The following MTF2 variants were observed in gnomAD, a reference collection of about 807,000 sequenced individuals.
MTF2 encodes the protein metal response element binding transcription factor 2, also known as metal-response element-binding transcription factor 2.
A neutral mutation model predicts 79.5 loss-of-function variants in MTF2; 11 were observed. The ratio of observed to expected loss-of-function variants is 0.14; its 90% confidence interval spans 0.09 to 0.23. MTF2 has a LOEUF of 0.23. Among genes scored for constraint, MTF2 ranks in the 10% least tolerant of loss-of-function variants. MTF2 has a pLI of 1.00. For synonymous variants in MTF2, 208 were observed against 232.8 expected, an observed-to-expected ratio of 0.89 and a Z score of 0.97; for missense variants, 486 against 711.2, an observed-to-expected ratio of 0.68 and a Z score of 3.60.
chr1:93,088,378 G>A (rs1654934234), intron 1 of MTF2, among the ~76,000 whole-genome samples: 1 of 152,066 alleles, frequency 6.6e-6, no homozygotes, highest in Admixed American at 6.6e-5. Flanking sequence ...GTATATGTGA[G>A]ATAATATAAT....
chr1:93,127,557 A>C (rs1571250769), intron 10 of MTF2, among the ~76,000 whole-genome samples: 2 of 152,326 alleles, frequency 1.3e-5, no homozygotes, highest in African/African-American at 4.8e-5. Flanking sequence ...TGTTCCATTG[A>C]AAAAGCATAT....
chr1:93,120,576 C>T lies in MTF2; in HGVS notation c.825C>T (p.Tyr275=). The change falls in exon 9 of 15, where the codon TAC becomes TAT. Residue 275 remains tyrosine, a synonymous_variant. Transcript: ENST00000370298. ...TAGATATAGCACACCTATGCCTTTA[C>T]AACCTAAGTGTTATTCATAAGAAGA... ...QWVDIAHLCL[Y]NLSVIHKKKY... is the part of the protein sequence containing the mutation. 1 of 1,605,000 alleles carries T rather than the reference C, an allele frequency of 6.2e-7. No homozygotes were observed. Among genetic ancestry groups the T allele is most frequent in the Non-Finnish European group, 8.5e-7 (1 of 1,175,674 alleles).
chr1:93,137,132 A>AAG lies in MTF2; in HGVS notation c.*105_*106insAG. 1 of 956,462 alleles carries AAG rather than the reference A, an allele frequency of 1.0e-6. No homozygotes were observed. The highest frequency in any genetic ancestry group is 1.5e-6 in the Non-Finnish European group (1 of 655,620). The allele number at this position is 956,462 out of a possible 1,614,324, so 59.2% of individuals were successfully genotyped here. A position where few individuals can be genotyped will look rare whatever the true frequency, so the allele number is the denominator to read the frequency against. ...ACTATCTTTCTTAAAAAAAAAAAAA[A>AAG]GTCAAAAAAATTCAAAAAAGGGGAT... On this transcript the variant is annotated 3_prime_UTR_variant, in exon 15 of 15. Transcript: ENST00000370298.
intron 1 of MTF2, among the ~76,000 whole-genome samples, chr1:93,092,724 T>A (rs1052305431): frequency 1.4e-4 from 21 of 152,168 alleles, no homozygotes; most frequent in East Asian, 5.8e-4. Flanking sequence ...TATAAACATG[T>A]TAGATGAGAA....
intron 1 of MTF2, among the ~76,000 whole-genome samples, chr1:93,102,993 A>G (rs1476037144): frequency 6.6e-6 from 1 of 151,784 alleles, no homozygotes; most frequent in Non-Finnish European, 1.5e-5. Flanking sequence ...TTAGCCGGGC[A>G]TGGTGGTGGG....
chr1:93,081,244 A>G (rs1019079552), intron 1 of MTF2, among the ~76,000 whole-genome samples: 4 of 152,200 alleles, frequency 2.6e-5, no homozygotes, highest in Admixed American at 6.5e-5. Flanking sequence ...CGTTGCCTCA[A>G]AGCTCTGTTA....
chr1:93,105,028 C>T (rs1007202345), intron 1 of MTF2, among the ~76,000 whole-genome samples: 1 of 151,462 alleles, frequency 6.6e-6, no homozygotes, highest in African/African-American at 2.4e-5. Context: ...CCTGTAGTCC[C>T]AGCTACTCGG....
At chr1:93,112,177 G>C (rs1656055419) in intron 3 of MTF2, among the ~76,000 whole-genome samples, 1 of 152,052 alleles carries the variant, frequency 6.6e-6, no homozygotes, top group South Asian at 2.1e-4. Flanking sequence ...GATTGCTCCT[G>C]GTCATTTAAC....
Position 93,118,339 on chromosome 1 carries a change from T to C in MTF2, c.633-6T>C. 6.4e-7 allele frequency: 1 copy of C among 1,568,554 alleles called. No homozygotes were observed. Among genetic ancestry groups the C allele is most frequent in the Non-Finnish European group, 8.6e-7 (1 of 1,159,006 alleles). ...TTAGTGTTAACTTTTTTGTTTTTTT[T>C]AATAGCTGGTATTTGAAGATGCTAC... is the stretch of plus-strand genomic sequence containing the variant. On this transcript the variant is annotated splice_polypyrimidine_tract_variant and splice_region_variant and intron_variant, in intron 6 of 14. Coordinates refer to ENST00000370298, the MANE Select transcript of MTF2 (RefSeq NM_007358.4).
chr1:93,095,939 C>T (rs550729982), intron 1 of MTF2, among the ~76,000 whole-genome samples: 2 of 152,232 alleles, frequency 1.3e-5, no homozygotes, highest in African/African-American at 4.8e-5. Context: ...CAGGCGTGAG[C>T]CCCTGCACCC....
Position 93,110,405 on chromosome 1 carries a change from T to A in MTF2, c.181T>A (p.Phe61Ile), listed in dbSNP as rs1296492211. The A allele has an allele frequency of 6.2e-7, 1 of 1,614,192 alleles. No individual in the cohort carries two copies. Residue 61 changes from phenylalanine to isoleucine, a missense_variant, in exon 2 of 15, where the codon TTT (phenylalanine) becomes ATT (isoleucine). By Grantham distance (21) the Phe-to-Ile change is conservative. Around this residue, in one of 4 missense-constraint regions of MTF2, gnomAD observed 75 missense variants for 83.8 expected, o/e 0.89. Transcript: ENST00000370298. Reference sequence around the variant, plus strand: ...CCTAGCTAGATGGTCAGATGGCTTGTTTTATCTTGGCACTATCAAAAAGGC... The same window carrying A: ...CCTAGCTAGATGGTCAGATGGCTTGATTTATCTTGGCACTATCAAAAAGGC... ...DVLARWSDGL[F>I]YLGTIKKINI...
intron 1 of MTF2, among the ~76,000 whole-genome samples, chr1:93,108,943 A>G (rs976541653): frequency 6.6e-6 from 1 of 152,168 alleles, no homozygotes; most frequent in Non-Finnish European, 1.5e-5. Context: ...TATTTCACTT[A>G]GCATAATGTC....
intron 1 of MTF2, among the ~76,000 whole-genome samples, chr1:93,085,106 C>G (rs934186689): frequency 6.6e-6 from 1 of 151,912 alleles, no homozygotes; most frequent in Admixed American, 6.6e-5. Context: ...TTATCTAGTA[C>G]TAAAAATACT....
intron 8 of MTF2, 199 bp from the exon 9 acceptor site, chr1:93,120,350 A>T: frequency 9.4e-6 from 3 of 320,116 alleles, no homozygotes; most frequent in Non-Finnish European, 1.7e-5. Flanking sequence ...TCTAGTTTAT[A>T]GTTGCTATTC....
chr1:93,130,260 G>A (rs1009211970), intron 11 of MTF2, among the ~76,000 whole-genome samples: 8 of 152,094 alleles, frequency 5.3e-5, no homozygotes, highest in Non-Finnish European at 1.2e-4. Context: ...TAATGGGGAG[G>A]CATGTAAGGG....
intron 1 of MTF2, chr1:93,081,160 T>G (rs1348481716): frequency 6.6e-6 from 1 of 152,200 alleles, no homozygotes; most frequent in Admixed American, 6.5e-5. Context: ...TTAGAACTAG[T>G]TGTACAGAAA....
intron 14 of MTF2, 30 bp downstream of exon 14, chr1:93,134,225 C>CT (rs1647276100): frequency 2.1e-6 from 3 of 1,456,912 alleles, no homozygotes; most frequent in Non-Finnish European, 1.9e-6. Flanking sequence ...ATTTTTTTTA[C>CT]TTTTTTTACT....
intron 12 of MTF2, 29 bp from the exon 13 acceptor site, chr1:93,133,899 T>G (rs760476112): frequency 6.5e-7 from 1 of 1,542,902 alleles, no homozygotes; most frequent in Non-Finnish European, 8.9e-7. Context: ...TTTAGAGACA[T>G]GCTTTAAGTA....
intron 1 of MTF2, among the ~76,000 whole-genome samples, chr1:93,108,901 A>T (rs532224322): frequency 6.6e-6 from 1 of 152,138 alleles, no homozygotes; most frequent in African/African-American, 2.4e-5. Flanking sequence ...GGCACCTCAT[A>T]TAAGTGGAAT....
Sources: allele counts gnomAD v4.1 joint callset (sites outside exome capture counted in the v4.1 genomes callset), GRCh38; gene constraint gnomAD v4.1.1; regional missense constraint gnomAD v4.1.1; transcripts MANE v1.5; gene names NCBI Gene and HGNC (gene_info 2026-07-23, HGNC 2026-07-21).